Variants in GSDMC observed in about 807,000 individuals in gnomAD.
GSDMC encodes the protein gasdermin-C.
GSDMC carries 59 observed loss-of-function variants against 58.0 expected under a neutral mutation model. The ratio of observed to expected loss-of-function variants is 1.02; its 90% CI spans 0.82 to 1.26. GSDMC has a LOEUF of 1.26. Among genes scored for constraint, GSDMC ranks in the 50% most tolerant of loss-of-function variants. GSDMC has a pLI of 0.00. For missense variants in GSDMC, 659 were observed against 598.5 expected, an observed-to-expected ratio of 1.10 and a Z score of -1.06; for synonymous variants, 241 against 220.2, an observed-to-expected ratio of 1.09 and a Z score of -0.83.
At chr8:129,763,133 A>G (rs1464224361) in intron 4 of GSDMC, among the ~76,000 whole-genome samples, 4 of 152,094 alleles carry the variant, frequency 2.6e-5, no homozygotes, top group African/African-American at 2.4e-5. Context: ...TTCCTTTATC[A>G]GTTAATGTGA....
the GSDMC span, among the ~76,000 whole-genome samples, chr8:129,727,634 C>T: frequency 6.6e-6 from 1 of 152,104 alleles, no homozygotes; most frequent in Admixed American, 6.5e-5. Flanking sequence ...AGACATATTC[C>T]CAGACTCAGG....
the GSDMC span, among the ~76,000 whole-genome samples, chr8:129,719,019 AC>A: frequency 6.6e-6 from 1 of 151,932 alleles, no homozygotes; most frequent in Non-Finnish European, 1.5e-5. Flanking sequence ...AGTATCACAC[AC>A]CGGGGCCTGT....
Position 129,777,565 on chromosome 8 carries a change from A to T in GSDMC, c.23T>A (p.Ile8Asn), listed in dbSNP as rs1386919911. The change falls in exon 2 of 14, where the codon ATT becomes AAT. Residue 8 changes from isoleucine (I) to asparagine (N), a missense_variant. Transcript: ENST00000276708. MPSMLER[I>N]SKNLVKEIGS... is the part of the protein sequence containing the mutation. ...AATCTCTTTGACCAAATTTTTGCTA[A>T]TGCGTTCCAACATGGAGGGCATGTT... 1.2e-6 allele frequency: 2 copies of T among 1,606,620 alleles called. No individual in the cohort carries two copies. Among genetic ancestry groups the T allele is most frequent in the South Asian group, 1.1e-5 (1 of 90,954 alleles).
chr8:129,708,317 G>A, the GSDMC span, among the ~76,000 whole-genome samples: 1 of 152,204 alleles, frequency 6.6e-6, no homozygotes, highest in Non-Finnish European at 1.5e-5. Context: ...AGGCTAGTTA[G>A]GCCAGGTAAA....
At chr8:129,770,850 T>C (rs1176908136) in intron 3 of GSDMC, among the ~76,000 whole-genome samples, 2 of 151,732 alleles carry the variant, frequency 1.3e-5, no homozygotes, top group Non-Finnish European at 1.5e-5. Flanking sequence ...ATAATATATA[T>C]AAGAAAGCAA....
chr8:129,760,791 A>G (rs1016619995), intron 5 of GSDMC, among the ~76,000 whole-genome samples: 2 of 152,146 alleles, frequency 1.3e-5, no homozygotes, highest in Admixed American at 6.6e-5. Flanking sequence ...TTTGCCATCC[A>G]ACTTTTGGAA....
At chr8:129,744,431 T>G (rs2032923231), downstream of GSDMC, among the ~76,000 whole-genome samples, 1 of 152,156 alleles carries the variant, frequency 6.6e-6, no homozygotes, top group African/African-American at 2.4e-5. Flanking sequence ...ATTTGAAAAA[T>G]AGACAGCAAA....
intron 12 of GSDMC, among the ~76,000 whole-genome samples, 161 bp downstream of exon 12, chr8:129,749,829 G>A (rs1172739537): frequency 6.6e-6 from 1 of 152,182 alleles, no homozygotes; most frequent in African/African-American, 2.4e-5. Context: ...CATACGGCAA[G>A]TTATCACAGT....
intron 2 of GSDMC, among the ~76,000 whole-genome samples, chr8:129,776,794 T>C (rs998257797): frequency 5.9e-5 from 9 of 151,576 alleles, no homozygotes; most frequent in African/African-American, 2.2e-4. Context: ...ACAGTCTCAC[T>C]CTGTCATCCA....
chr8:129,778,932 T>C (rs2034329078), intron 1 of GSDMC, among the ~76,000 whole-genome samples: 1 of 151,964 alleles, frequency 6.6e-6, no homozygotes, highest in African/African-American at 2.4e-5. Context: ...CAAGTCTGAA[T>C]AGCTATTATT....
the GSDMC span, among the ~76,000 whole-genome samples, chr8:129,739,722 T>C: frequency 6.6e-6 from 1 of 152,232 alleles, no homozygotes; most frequent in South Asian, 2.1e-4. Context: ...CACACAGTTA[T>C]CTATAATACA....
At chr8:129,724,434 T>C in the GSDMC span, among the ~76,000 whole-genome samples, 1 of 152,190 alleles carries the variant, frequency 6.6e-6, no homozygotes, top group Non-Finnish European at 1.5e-5. Context: ...GATAACACAA[T>C]AGATAATACA....
chr8:129,716,632 T>C, the GSDMC span, among the ~76,000 whole-genome samples: 4 of 152,230 alleles, frequency 2.6e-5, no homozygotes, highest in Non-Finnish European at 5.9e-5. Context: ...CTGATTGCCC[T>C]GGTCACAACT....
chr8:129,724,047 T>C, the GSDMC span, among the ~76,000 whole-genome samples: 1 of 152,242 alleles, frequency 6.6e-6, no homozygotes, highest in Non-Finnish European at 1.5e-5. Context: ...AAAGCCAGGC[T>C]TGCTGTATCC....
chr8:129,777,312 T>C lies in GSDMC; in HGVS notation c.220+56A>G, dbSNP rs188164819. ...TTATCTTTGGATGGTGGGCCATCTTTTTCTGACCACACATGTTTTTCACCC... is the reference window on the plus strand; with the variant it reads ...TTATCTTTGGATGGTGGGCCATCTTCTTCTGACCACACATGTTTTTCACCC... On this transcript the variant is annotated intron_variant, in intron 2 of 13. Transcript: ENST00000276708. 4.9e-5 allele frequency: 53 copies of C among 1,091,812 alleles called. No individual in the cohort carries two copies. In the African/African-American group the frequency reaches 7.3e-4, roughly 15 times the overall value. 67.6% of individuals were successfully genotyped at this position (1,091,812 alleles called of 1,614,324 possible). A position where few individuals can be genotyped will look rare whatever the true frequency, so the allele number is the denominator to read the frequency against.
At chr8:129,709,604 A>C in the GSDMC span, among the ~76,000 whole-genome samples, 15 of 151,320 alleles carry the variant, frequency 9.9e-5, no homozygotes, top group Non-Finnish European at 1.8e-4. Flanking sequence ...AGATAGATAG[A>C]TAGATAGATA....
chr8:129,768,030 C>T (rs542701481), intron 3 of GSDMC, among the ~76,000 whole-genome samples: 1 of 152,018 alleles, frequency 6.6e-6, no homozygotes, highest in East Asian at 1.9e-4. Context: ...CCAGTAGCCC[C>T]GCCTGAATGC....
the GSDMC span, among the ~76,000 whole-genome samples, chr8:129,735,541 T>G: frequency 7.6e-3 from 1,164 of 152,308 alleles, 17 homozygotes; most frequent in African/African-American, 0.026. Context: ...CTGAACAACC[T>G]GCTCCTGAAT....
At chr8:129,737,527 A>G in the GSDMC span, among the ~76,000 whole-genome samples, 2 of 152,244 alleles carry the variant, frequency 1.3e-5, no homozygotes, top group Non-Finnish European at 2.9e-5. Flanking sequence ...CCTGACAAAA[A>G]CAAGAAATGG....
Sources: gnomAD v4.1 joint callset for allele counts (sites outside exome capture counted in the v4.1 genomes callset) on GRCh38, gnomAD v4.1.1 for gene constraint, MANE v1.5 for transcripts, NCBI Gene and HGNC (gene_info 2026-07-23, HGNC 2026-07-21) for gene names.